HEMK2: variants seen among roughly 807,000 people sequenced by gnomAD.
The protein encoded by HEMK2 is HemK methyltransferase 2, ETF1 glutamine and histone H4 lysine, also known as methyltransferase HEMK2.
At chr21:28,865,030 C>G in the HEMK2 span, among the ~76,000 whole-genome samples, 1 of 151,956 alleles carries the variant, frequency 6.6e-6, no homozygotes, top group Non-Finnish European at 1.5e-5. Context: ...ATTCCCACAG[C>G]CTTAACCTCA....
At chr21:28,578,717 T>C in the HEMK2 span, among the ~76,000 whole-genome samples, 1 of 151,988 alleles carries the variant, frequency 6.6e-6, no homozygotes, top group Non-Finnish European at 1.5e-5. Flanking sequence ...ATAAAAAGGG[T>C]TGTTTGATAG....
chr21:28,583,741 T>G, the HEMK2 span, among the ~76,000 whole-genome samples: 1 of 152,204 alleles, frequency 6.6e-6, no homozygotes, highest in African/African-American at 2.4e-5. Context: ...CAGCATTGCA[T>G]GGTTCTGTGA....
the HEMK2 span, among the ~76,000 whole-genome samples, chr21:28,839,441 G>C: frequency 6.6e-6 from 1 of 152,058 alleles, no homozygotes; most frequent in South Asian, 2.1e-4. Context: ...GTCACTGATT[G>C]CTAACAATAT....
At chr21:28,831,590 GGAAAGAAGGAAA>G in the HEMK2 span, among the ~76,000 whole-genome samples, 1 of 60,452 alleles carries the variant, frequency 1.7e-5, no homozygotes, top group African/African-American at 1.0e-4. Context: ...AAGGAAAGAA[GGAAAGAAGGAAA>G]GAAGGAAAGA....
the HEMK2 span, among the ~76,000 whole-genome samples, chr21:28,848,524 G>A: frequency 2.0e-5 from 3 of 152,014 alleles, no homozygotes; most frequent in South Asian, 6.2e-4. Context: ...TCCTCCTCTA[G>A]TAACTAATTT....
the HEMK2 span, among the ~76,000 whole-genome samples, chr21:28,673,860 G>A: frequency 5.3e-5 from 8 of 151,162 alleles, no homozygotes; most frequent in East Asian, 1.9e-4. Context: ...CAAGGTTTGA[G>A]GACAAAACAT....
chr21:28,803,461 C>T, the HEMK2 span, among the ~76,000 whole-genome samples: 1 of 152,252 alleles, frequency 6.6e-6, no homozygotes, highest in East Asian at 1.9e-4. Context: ...GTCTGGAGCC[C>T]AATGTGGTCC....
At chr21:28,658,037 T>C in the HEMK2 span, among the ~76,000 whole-genome samples, 1 of 152,052 alleles carries the variant, frequency 6.6e-6, no homozygotes, top group Admixed American at 6.6e-5. Flanking sequence ...TCTTGGTATG[T>C]GTGCAGAAAT....
chr21:28,699,450 A>C, the HEMK2 span, among the ~76,000 whole-genome samples: 3 of 152,354 alleles, frequency 2.0e-5, no homozygotes, highest in South Asian at 6.2e-4. Context: ...GTCAAAATTT[A>C]CAGGTAAGTT....
At chr21:28,657,129 T>C in the HEMK2 span, among the ~76,000 whole-genome samples, 1 of 152,132 alleles carries the variant, frequency 6.6e-6, no homozygotes, top group Non-Finnish European at 1.5e-5. Flanking sequence ...CACAACTATG[T>C]ATGTTTTTCT....
At chr21:28,667,732 G>A in the HEMK2 span, among the ~76,000 whole-genome samples, 1 of 152,098 alleles carries the variant, frequency 6.6e-6, no homozygotes, top group Non-Finnish European at 1.5e-5. Flanking sequence ...ACAACAGAGG[G>A]GTCAAGGAAA....
the HEMK2 span, among the ~76,000 whole-genome samples, chr21:28,654,308 G>T: frequency 1.3e-5 from 2 of 152,118 alleles, no homozygotes; most frequent in African/African-American, 4.8e-5. Flanking sequence ...TAAGTATACT[G>T]TCTGCCTGCA....
At chr21:28,584,248 C>A in the HEMK2 span, among the ~76,000 whole-genome samples, 1 of 152,120 alleles carries the variant, frequency 6.6e-6, no homozygotes, top group Non-Finnish European at 1.5e-5. Flanking sequence ...AGCTGCCATT[C>A]AACACAAAGA....
chr21:28,762,894 G>C, the HEMK2 span, among the ~76,000 whole-genome samples: 3 of 152,100 alleles, frequency 2.0e-5, no homozygotes, highest in Non-Finnish European at 4.4e-5. Flanking sequence ...AATGGACTAA[G>C]ACATGGGACA....
chr21:28,837,122 C>A, the HEMK2 span, among the ~76,000 whole-genome samples: 9 of 152,156 alleles, frequency 5.9e-5, no homozygotes, highest in African/African-American at 2.2e-4. Context: ...CCACTGACAG[C>A]ACTAGACAGC....
the HEMK2 span, among the ~76,000 whole-genome samples, chr21:28,876,764 A>G: frequency 2.0e-5 from 3 of 152,000 alleles, no homozygotes; most frequent in Non-Finnish European, 2.9e-5. Context: ...ATTAATTGTC[A>G]TTGTTATTAT....
At chr21:28,795,183 A>G in the HEMK2 span, among the ~76,000 whole-genome samples, 5 of 152,222 alleles carry the variant, frequency 3.3e-5, no homozygotes, top group Non-Finnish European at 5.9e-5. Flanking sequence ...ACTGAGAAAG[A>G]AGGAAAGCAA....
the HEMK2 span, among the ~76,000 whole-genome samples, chr21:28,701,979 CAT>C: frequency 1.3e-5 from 2 of 152,078 alleles, no homozygotes; most frequent in Non-Finnish European, 2.9e-5. Context: ...ACTACAAAAA[CAT>C]ATACACAGAC....
At chr21:28,797,517 A>G in the HEMK2 span, among the ~76,000 whole-genome samples, 1 of 151,622 alleles carries the variant, frequency 6.6e-6, no homozygotes, top group Non-Finnish European at 1.5e-5. Context: ...CAGGAGGCTG[A>G]GGTGGGAGAA....
Sources: gnomAD v4.1 joint callset for allele counts (sites outside exome capture counted in the v4.1 genomes callset) on GRCh38, gnomAD v4.1.1 for gene constraint, MANE v1.5 for transcripts, NCBI Gene and HGNC (gene_info 2026-07-23, HGNC 2026-07-21) for gene names.